OSBPL8: variants seen among roughly 807,000 people sequenced by gnomAD.
OSBPL8 encodes the protein oxysterol binding protein like 8, also known as oxysterol-binding protein-related protein 8.
Under a neutral mutation model 125.5 loss-of-function variants are expected in OSBPL8, and 59 were observed. The ratio of observed to expected loss-of-function variants is 0.47; its 90% confidence interval spans 0.38 to 0.58. The LOEUF (loss-of-function observed/expected upper bound fraction) is 0.58. Among genes scored for constraint, OSBPL8 ranks in the 20% least tolerant of loss-of-function variants. The pLI is 0.00. For missense variants in OSBPL8, 758 were observed against 1,047.8 expected (o/e 0.72, Z 3.82); for synonymous variants, 330 against 338.9 (o/e 0.97, Z 0.29).
chr12:76,532,055 A>C (rs971029053), intron 1 of OSBPL8, among the ~76,000 whole-genome samples: 1 of 151,388 alleles, frequency 6.6e-6, no homozygotes, highest in African/African-American at 2.4e-5. Context: ...AAAAAAAAAA[A>C]AACTGACCAA....
intron 1 of OSBPL8, among the ~76,000 whole-genome samples, chr12:76,547,489 C>G (rs2137470580): frequency 6.6e-6 from 1 of 152,062 alleles, no homozygotes; most frequent in Non-Finnish European, 1.5e-5. Flanking sequence ...ATGAAAGGAA[C>G]AAATGAAAAT....
chr12:76,462,396 C>CT (rs1476829917), intron 2 of OSBPL8, among the ~76,000 whole-genome samples: 1 of 151,968 alleles, frequency 6.6e-6, no homozygotes, highest in Non-Finnish European at 1.5e-5. Context: ...AAATCTGATT[C>CT]TATTGGATCA....
At position 76,527,144 on chromosome 12, in the gene OSBPL8, A is replaced by G. The variant is rs1265870701; in HGVS notation, c.-68+32253T>C. On this transcript the variant is annotated intron_variant, in intron 1 of 23. Coordinates refer to ENST00000261183, the MANE Select transcript of OSBPL8 (RefSeq NM_020841.5). Reference sequence around the variant, plus strand: ...CTGTCTATATATTGCTGACATAATCACTGCAATGCAAAAGAATGTAAGGTA... The same window carrying G: ...CTGTCTATATATTGCTGACATAATCGCTGCAATGCAAAAGAATGTAAGGTA... Among the ~76,000 whole-genome samples the G allele has an allele frequency of 1.1e-4, 16 of 151,906 alleles. No individual in the cohort carries two copies. The East Asian group carries it at 3.1e-3, about 29-fold the overall frequency.
intron 6 of OSBPL8, among the ~76,000 whole-genome samples, chr12:76,402,061 T>A (rs1336689238): frequency 6.6e-6 from 1 of 152,206 alleles, no homozygotes; most frequent in Non-Finnish European, 1.5e-5. Flanking sequence ...AAACTTTAGA[T>A]TTTGGTCTTT....
At chr12:76,445,041 A>C (rs1221252244) in intron 4 of OSBPL8, among the ~76,000 whole-genome samples, 1 of 152,144 alleles carries the variant, frequency 6.6e-6, no homozygotes, top group Non-Finnish European at 1.5e-5. Flanking sequence ...CTGGTAATAC[A>C]CACCTATAAG....
chr12:76,414,177 A>C (rs1227227523), intron 4 of OSBPL8, among the ~76,000 whole-genome samples: 1 of 152,084 alleles, frequency 6.6e-6, no homozygotes, highest in Admixed American at 6.6e-5. Context: ...TCTTTTATCC[A>C]TATGTGTCAA....
chr12:76,547,154 G>A (rs1258598202), intron 1 of OSBPL8, among the ~76,000 whole-genome samples: 1 of 152,174 alleles, frequency 6.6e-6, no homozygotes, highest in Admixed American at 6.5e-5. Context: ...CATAGCTGTA[G>A]AAGAAAGAAC....
At chr12:76,554,787 T>A (rs1341834846) in intron 1 of OSBPL8, among the ~76,000 whole-genome samples, 2 of 152,244 alleles carry the variant, frequency 1.3e-5, no homozygotes, top group African/African-American at 4.8e-5. Context: ...CCTCTTTTTT[T>A]CAGTCCTTTT....
chr12:76,529,312 C>G (rs1950269023), intron 1 of OSBPL8, among the ~76,000 whole-genome samples: 1 of 152,030 alleles, frequency 6.6e-6, no homozygotes, highest in Non-Finnish European at 1.5e-5. Context: ...TGCTATTTTT[C>G]CCTTCTTGGG....
chr12:76,476,106 C>T (rs538882907), intron 2 of OSBPL8, among the ~76,000 whole-genome samples: 3 of 152,180 alleles, frequency 2.0e-5, no homozygotes, highest in Middle Eastern at 6.8e-3. Context: ...ATATAAGCAA[C>T]TGGGGAAATG....
chr12:76,477,002 C>T (rs1876889725), intron 2 of OSBPL8, among the ~76,000 whole-genome samples: 1 of 152,138 alleles, frequency 6.6e-6, no homozygotes, highest in African/African-American at 2.4e-5. Context: ...GGTCCTGTCT[C>T]AACATAAAGC....
At chr12:76,365,519 G>A (rs955608258) in intron 21 of OSBPL8, among the ~76,000 whole-genome samples, 1 of 151,916 alleles carries the variant, frequency 6.6e-6, no homozygotes, top group African/African-American at 2.4e-5. Flanking sequence ...GGATTCTTTG[G>A]GATTTTCTAT....
At chr12:76,461,513 T>TTAAA (rs1874730234) in intron 2 of OSBPL8, among the ~76,000 whole-genome samples, 1 of 151,694 alleles carries the variant, frequency 6.6e-6, no homozygotes. Flanking sequence ...TGCAGTGGTG[T>TTAAA]GATCTCGGCT....
intron 1 of OSBPL8, among the ~76,000 whole-genome samples, chr12:76,521,629 T>G (rs1362069915): frequency 6.6e-6 from 1 of 152,162 alleles, no homozygotes; most frequent in Non-Finnish European, 1.5e-5. Flanking sequence ...AGGAAGGAGA[T>G]TCTGACATAT....
chr12:76,364,626 G>A (rs759582704), intron 21 of OSBPL8, among the ~76,000 whole-genome samples: 2 of 152,154 alleles, frequency 1.3e-5, no homozygotes, highest in Non-Finnish European at 2.9e-5. Context: ...TTCTGTGCTT[G>A]TATCCCAGAA....
chr12:76,477,149 ATTCT>A (rs1211715588), intron 2 of OSBPL8, among the ~76,000 whole-genome samples: 2 of 152,128 alleles, frequency 1.3e-5, no homozygotes, highest in South Asian at 2.1e-4. Context: ...GCTGTCAATT[ATTCT>A]TTCTTTAAGT....
At chr12:76,498,314 A>G (rs1002678456) in intron 1 of OSBPL8, among the ~76,000 whole-genome samples, 5 of 152,186 alleles carry the variant, frequency 3.3e-5, no homozygotes, top group African/African-American at 1.2e-4. Flanking sequence ...TCTAGCCAAT[A>G]TTTTAAAAAA....
chr12:76,463,359 T>C (rs1445007744), intron 2 of OSBPL8, among the ~76,000 whole-genome samples: 2 of 152,134 alleles, frequency 1.3e-5, no homozygotes, highest in African/African-American at 2.4e-5. Flanking sequence ...ACAGAAAAGA[T>C]AGTGAGAGCA....
chr12:76,470,915 T>A (rs983653123), intron 2 of OSBPL8, among the ~76,000 whole-genome samples: 1 of 152,110 alleles, frequency 6.6e-6, no homozygotes, highest in Non-Finnish European at 1.5e-5. Context: ...ATAAAACAGA[T>A]CACGTATCAC....
Sources: allele counts gnomAD v4.1 joint callset (sites outside exome capture counted in the v4.1 genomes callset), GRCh38; gene constraint gnomAD v4.1.1; transcripts MANE v1.5; gene names NCBI Gene and HGNC (gene_info 2026-07-23, HGNC 2026-07-21).